Variants in ZMAT4 observed in about 807,000 individuals in gnomAD.
ZMAT4 encodes the protein zinc finger matrin-type protein 4.
ZMAT4 carries 17 observed loss-of-function variants against 28.7 expected under a neutral mutation model. The observed-to-expected ratio is 0.59, with a 90% CI of 0.41 to 0.89. The LOEUF is 0.89. Ranked by LOEUF, ZMAT4 falls within the 40% of genes least tolerant of loss-of-function variation. The pLI, the probability that ZMAT4 is intolerant of heterozygous loss-of-function variation, is 0.00. For synonymous variants in ZMAT4, 117 were observed against 109.2 expected (o/e 1.07, Z -0.44); for missense variants, 240 against 283.8 (o/e 0.85, Z 1.11).
intron 1 of ZMAT4, among the ~76,000 whole-genome samples, chr8:40,868,837 C>T (rs1445570213): frequency 6.6e-6 from 1 of 152,256 alleles, no homozygotes; most frequent in Non-Finnish European, 1.5e-5. Flanking sequence ...CTGACTTCAA[C>T]TCCACTTGTC....
In ZMAT4 at chr8:40,878,148, G is replaced by A. The variant is rs149989590; in HGVS notation, c.-5+19535C>T. Among the ~76,000 whole-genome samples the A allele has an allele frequency of 3.6e-4, 55 of 152,220 alleles. 1 individual carries two copies. The Middle Eastern group carries it at 0.01, about 28-fold the overall frequency. On this transcript the variant is annotated intron_variant, in intron 1 of 6. Coordinates refer to ENST00000297737, the MANE Select transcript of ZMAT4 (RefSeq NM_024645.3). ...AACATATAGCGGCTCCTCAGCAAAG[G>A]GCCTCCAAGTGGCCAGTGGTCAACC...
chr8:40,689,590 G>A (rs1278621288), intron 4 of ZMAT4, among the ~76,000 whole-genome samples: 1 of 152,014 alleles, frequency 6.6e-6, no homozygotes, highest in Admixed American at 6.6e-5. Context: ...ATTATTTCAG[G>A]TGTGATGCTT....
At chr8:40,873,463 G>A (rs182837683) in intron 1 of ZMAT4, among the ~76,000 whole-genome samples, 24 of 152,242 alleles carry the variant, frequency 1.6e-4, no homozygotes, top group African/African-American at 4.6e-4. Context: ...TGACTTGGCC[G>A]TGGAATGCTC....
chr8:40,661,292 G>A (rs1472268930), intron 5 of ZMAT4, among the ~76,000 whole-genome samples: 1 of 152,168 alleles, frequency 6.6e-6, no homozygotes, highest in African/African-American at 2.4e-5. Context: ...TAGAAATGGG[G>A]TTTCACCATG....
chr8:40,770,774 A>G (rs905017567), intron 2 of ZMAT4, among the ~76,000 whole-genome samples: 1 of 151,648 alleles, frequency 6.6e-6, no homozygotes, highest in African/African-American at 2.4e-5. Flanking sequence ...TCTCTAACTC[A>G]TGGCCTCAAG....
chr8:40,595,168 T>C (rs145661969), intron 5 of ZMAT4, among the ~76,000 whole-genome samples: 2 of 152,322 alleles, frequency 1.3e-5, no homozygotes, highest in Non-Finnish European at 2.9e-5. Flanking sequence ...GCTTTTCCTT[T>C]CTATCAACAA....
intron 3 of ZMAT4, among the ~76,000 whole-genome samples, chr8:40,758,541 A>T (rs1451289886): frequency 1.3e-5 from 2 of 152,232 alleles, no homozygotes; most frequent in Admixed American, 6.5e-5. Flanking sequence ...CCTTCCCTGA[A>T]TATAGATTTT....
intron 4 of ZMAT4, among the ~76,000 whole-genome samples, chr8:40,693,101 C>G (rs1184043382): frequency 3.9e-5 from 6 of 152,038 alleles, no homozygotes; most frequent in Non-Finnish European, 7.4e-5. Flanking sequence ...GTGCCCTAAA[C>G]CCAATGACTG....
At chr8:40,535,709 G>C (rs1398866771) in intron 6 of ZMAT4, among the ~76,000 whole-genome samples, 3 of 151,932 alleles carry the variant, frequency 2.0e-5, no homozygotes, top group Admixed American at 2.0e-4. Context: ...CAATCTTCCT[G>C]AGATATTAAC....
chr8:40,599,824 G>A (rs1269521292), intron 5 of ZMAT4, among the ~76,000 whole-genome samples: 3 of 152,220 alleles, frequency 2.0e-5, no homozygotes, highest in South Asian at 2.1e-4. Context: ...GGGGGCCCCC[G>A]CCCCTCCTCC....
chr8:40,657,092 G>T (rs986553797), intron 5 of ZMAT4, among the ~76,000 whole-genome samples: 2 of 152,116 alleles, frequency 1.3e-5, no homozygotes, highest in African/African-American at 2.4e-5. Flanking sequence ...GTGCAATGAT[G>T]CAATCTCGGC....
Position 40,653,364 on chromosome 8 carries a change from C to G in ZMAT4, c.577+21340G>C, listed in dbSNP as rs947159674. 2.0e-5 allele frequency among the ~76,000 whole-genome samples: 3 copies of G among 151,156 alleles called. No homozygotes were observed. In the South Asian group the frequency reaches 6.3e-4, roughly 32 times the overall value. On this transcript the variant is annotated intron_variant, in intron 5 of 6. Transcript: ENST00000297737. ...AAAACTAGAAATAGAGCAAAATACT[C>G]AATGAAAAAACTCAATGAAAGCAGA...
At position 40,787,310 on chromosome 8, in the gene ZMAT4, C is replaced by T. The variant is rs149256857; in HGVS notation, c.103-19580G>A. Among the ~76,000 whole-genome samples the T allele has an allele frequency of 3.2e-3, 492 of 152,326 alleles. 2 individuals are homozygous for T. Among genetic ancestry groups the T allele is most frequent in the African/African-American group, 0.011 (452 of 41,580 alleles). On this transcript the variant is annotated intron_variant, in intron 2 of 6. Transcript: ENST00000297737. ...GCCTGAAACTACAGATAGTGCCAAT[C>T]CCCATCGCTGTCAATCAGAACATGT...
chr8:40,536,459 G>T (rs775191536), intron 6 of ZMAT4, among the ~76,000 whole-genome samples: 15 of 152,196 alleles, frequency 9.9e-5, no homozygotes, highest in Non-Finnish European at 1.8e-4. Context: ...AAATAAAAAT[G>T]TCTTAATATG....
At chr8:40,623,294 T>C (rs1291100156) in intron 5 of ZMAT4, among the ~76,000 whole-genome samples, 1 of 152,194 alleles carries the variant, frequency 6.6e-6, no homozygotes, top group Non-Finnish European at 1.5e-5. Flanking sequence ...GTGTAGAATA[T>C]GGCACAGAAT....
intron 6 of ZMAT4, among the ~76,000 whole-genome samples, chr8:40,570,926 C>T (rs1282133520): frequency 6.6e-6 from 1 of 152,050 alleles, no homozygotes; most frequent in Non-Finnish European, 1.5e-5. Flanking sequence ...CGGGTAATGA[C>T]CTTGCACCCC....
Position 40,853,531 on chromosome 8 carries a change from G to A in ZMAT4, c.-4-27851C>T, listed in dbSNP as rs116279049. Among the ~76,000 whole-genome samples the A allele has an allele frequency of 5.1e-3, 779 of 152,258 alleles. 8 individuals carry two copies. Among genetic ancestry groups the A allele is most frequent in the African/African-American group, 0.018 (743 of 41,550 alleles). ...ATATTTTGCCACTGCACTCCAGCCC[G>A]AGTGACAGTGCAAGACTCCGTCTCA... On this transcript the variant is annotated intron_variant, in intron 1 of 6. Transcript: ENST00000297737.
chr8:40,689,041 G>T (rs899634833), intron 4 of ZMAT4, among the ~76,000 whole-genome samples: 1 of 152,240 alleles, frequency 6.6e-6, no homozygotes, highest in African/African-American at 2.4e-5. Flanking sequence ...GATAGAGACC[G>T]GAGCAGCTTA....
At chr8:40,894,596 GA>G (rs1471900377) in intron 1 of ZMAT4, among the ~76,000 whole-genome samples, 1 of 152,094 alleles carries the variant, frequency 6.6e-6, no homozygotes, top group East Asian at 1.9e-4. Context: ...GATGAAGAGG[GA>G]AAATAGCAGA....
Sources: gnomAD v4.1 joint callset for allele counts (sites outside exome capture counted in the v4.1 genomes callset) on GRCh38, gnomAD v4.1.1 for gene constraint, MANE v1.5 for transcripts, NCBI Gene and HGNC (gene_info 2026-07-23, HGNC 2026-07-21) for gene names.